Variants in IGSF5 observed in about 807,000 individuals in gnomAD.
IGSF5 encodes immunoglobulin superfamily member 5.
In IGSF5, 41 loss-of-function variants were observed where a neutral mutation model predicts 39.4. The observed-to-expected ratio is 1.04, with a 90% confidence interval of 0.81 to 1.35. The LOEUF (loss-of-function observed/expected upper bound fraction) is 1.35. Among genes scored for constraint, IGSF5 ranks in the 40% most tolerant of loss-of-function variants. The pLI is 0.00. For missense variants in IGSF5, 487 were observed against 494.6 expected (o/e 0.98, Z 0.15); for synonymous variants, 183 against 175.3 (o/e 1.04, Z -0.34).
the IGSF5 span, among the ~76,000 whole-genome samples, chr21:39,734,543 T>C: frequency 6.6e-6 from 1 of 151,992 alleles, no homozygotes; most frequent in Non-Finnish European, 1.5e-5. Flanking sequence ...GCTTCACCTA[T>C]TTATCTCTCT....
chr21:39,720,428 T>C, the IGSF5 span, among the ~76,000 whole-genome samples: 2 of 152,326 alleles, frequency 1.3e-5, no homozygotes, highest in Admixed American at 1.3e-4. Flanking sequence ...TGGGGACCCC[T>C]GGAATAGAAG....
intron 5 of IGSF5, among the ~76,000 whole-genome samples, chr21:39,784,465 A>G (rs1310680145): frequency 1.3e-5 from 2 of 152,232 alleles, no homozygotes; most frequent in Non-Finnish European, 2.9e-5. Context: ...TAGTTTCTTC[A>G]TCTACAGAAT....
intron 2 of IGSF5, among the ~76,000 whole-genome samples, chr21:39,763,749 A>G (rs1469709574): frequency 6.6e-6 from 1 of 152,090 alleles, no homozygotes; most frequent in Non-Finnish European, 1.5e-5. Flanking sequence ...GTGCAGGAGG[A>G]GTGTGGTTAT....
At chr21:39,794,806 G>A (rs923021021) in intron 8 of IGSF5, among the ~76,000 whole-genome samples, 3 of 152,162 alleles carry the variant, frequency 2.0e-5, no homozygotes, top group African/African-American at 7.2e-5. Flanking sequence ...TGCCCAGCAG[G>A]TGCCTGTGTG....
the IGSF5 span, among the ~76,000 whole-genome samples, chr21:39,728,239 TG>T: frequency 5.3e-5 from 8 of 152,256 alleles, no homozygotes; most frequent in South Asian, 1.7e-3. Flanking sequence ...TCTCTGCAGA[TG>T]TAATCAACTT....
At chr21:39,789,029 C>T (rs1488559858) in intron 6 of IGSF5, among the ~76,000 whole-genome samples, 1 of 152,130 alleles carries the variant, frequency 6.6e-6, no homozygotes, top group Non-Finnish European at 1.5e-5. Context: ...GGAGAGAGGA[C>T]ACCACCAAGC....
chr21:39,722,627 C>T, the IGSF5 span: 1 of 152,148 alleles, frequency 6.6e-6, no homozygotes, highest in South Asian at 2.1e-4. Context: ...GCTGGCCTAT[C>T]CTGTCTGATA....
At chr21:39,719,935 A>G in the IGSF5 span, among the ~76,000 whole-genome samples, 1 of 152,216 alleles carries the variant, frequency 6.6e-6, no homozygotes, top group Non-Finnish European at 1.5e-5. Flanking sequence ...ACATGTGGAA[A>G]CATCTTCATG....
the IGSF5 span, among the ~76,000 whole-genome samples, chr21:39,725,685 A>G: frequency 6.6e-6 from 1 of 152,196 alleles, no homozygotes; most frequent in Admixed American, 6.5e-5. Context: ...AGGAAACACA[A>G]ACACCTAATT....
intron 2 of IGSF5, among the ~76,000 whole-genome samples, chr21:39,756,227 G>A (rs192851482): frequency 1.6e-4 from 24 of 152,340 alleles, no homozygotes; most frequent in African/African-American, 5.5e-4. Flanking sequence ...ATTCTTTCTC[G>A]AGGCTGTGAA....
rs1257778567 is a variant in IGSF5 at position 39,793,617 on chromosome 21, G to A, written c.1128+4G>A. On this transcript the variant is annotated splice_donor_region_variant and intron_variant, in intron 8 of 8. Transcript: ENST00000380588. Reference sequence around the variant, plus strand: ...TAGCTGTGGCCCTCCTCACCAGGTAGTTTAGACCATTTTCCCCCTTTTTGG... The same window carrying A: ...TAGCTGTGGCCCTCCTCACCAGGTAATTTAGACCATTTTCCCCCTTTTTGG... The A allele has an allele frequency of 1.9e-6, 3 of 1,610,608 alleles. No individual in the cohort carries two copies. The highest frequency in any genetic ancestry group is 2.5e-6 in the Non-Finnish European group (3 of 1,178,112).
the IGSF5 span, among the ~76,000 whole-genome samples, chr21:39,713,236 C>G: frequency 6.6e-6 from 1 of 152,132 alleles, no homozygotes; most frequent in African/African-American, 2.4e-5. Context: ...GGGAGAGTGT[C>G]TCGGACACCT....
intron 8 of IGSF5, among the ~76,000 whole-genome samples, chr21:39,794,562 G>A (rs1453081102): frequency 1.3e-5 from 2 of 152,134 alleles, no homozygotes; most frequent in African/African-American, 2.4e-5. Flanking sequence ...TTTCTATCCC[G>A]AATCATAAAT....
intron 6 of IGSF5, among the ~76,000 whole-genome samples, chr21:39,790,606 C>T (rs139666533): frequency 3.3e-5 from 5 of 151,772 alleles, no homozygotes; most frequent in South Asian, 2.1e-4. Context: ...TACAGTGAGC[C>T]GAGATCACAC....
chr21:39,730,482 G>A, the IGSF5 span: 1 of 152,180 alleles, frequency 6.6e-6, no homozygotes. Flanking sequence ...CAGCTTGCTT[G>A]ATGGATATTC....
chr21:39,736,742 G>C, the IGSF5 span, among the ~76,000 whole-genome samples: 5 of 152,182 alleles, frequency 3.3e-5, no homozygotes, highest in African/African-American at 1.2e-4. Flanking sequence ...TGTTGTTGTA[G>C]CACTCATTGT....
chr21:39,755,443 C>A (rs62235542), intron 2 of IGSF5, among the ~76,000 whole-genome samples: 1 of 151,634 alleles, frequency 6.6e-6, no homozygotes, highest in Non-Finnish European at 1.5e-5. Context: ...AAAAATTAGC[C>A]GAGCATGGTG....
At chr21:39,723,618 G>A in the IGSF5 span, among the ~76,000 whole-genome samples, 24 of 152,286 alleles carry the variant, frequency 1.6e-4, no homozygotes, top group African/African-American at 5.1e-4. Context: ...GGTACAGATC[G>A]TGTCACCCTG....
chr21:39,761,164 C>T (rs749573075), intron 2 of IGSF5, among the ~76,000 whole-genome samples: 4 of 152,174 alleles, frequency 2.6e-5, no homozygotes, highest in Non-Finnish European at 5.9e-5. Context: ...GAAAGAACTG[C>T]CTATTCAATA....
Sources: allele counts gnomAD v4.1 joint callset (sites outside exome capture counted in the v4.1 genomes callset), GRCh38; gene constraint gnomAD v4.1.1; transcripts MANE v1.5; gene names NCBI Gene and HGNC (gene_info 2026-07-23, HGNC 2026-07-21).